The following TPD52L1 variants were observed in gnomAD, a reference collection of about 807,000 sequenced individuals.
TPD52L1 encodes the protein TPD52 like 1, also known as tumor protein D53.
TPD52L1 carries 18 observed loss-of-function variants against 28.7 expected under a neutral mutation model. That is an observed-to-expected ratio of 0.63 (90% CI 0.43 to 0.93). TPD52L1 has a LOEUF of 0.93. Ranked by LOEUF, TPD52L1 falls within the 40% of genes least tolerant of loss-of-function variation. TPD52L1 has a pLI of 0.00. For synonymous variants in TPD52L1, 75 were observed against 88.8 expected (o/e 0.84, Z 0.88); for missense variants, 203 against 254.8 (o/e 0.80, Z 1.39).
intron 1 of TPD52L1, among the ~76,000 whole-genome samples, chr6:125,218,539 A>G (rs1249857372): frequency 1.3e-5 from 2 of 152,180 alleles, no homozygotes; most frequent in African/African-American, 4.8e-5. Context: ...TCTTCTTCCA[A>G]TTAGTGGCTT....
At chr6:125,173,895 T>C (rs1562218195) in intron 1 of TPD52L1, among the ~76,000 whole-genome samples, 1 of 152,090 alleles carries the variant, frequency 6.6e-6, no homozygotes, top group African/African-American at 2.4e-5. Context: ...GAAGTCAGGA[T>C]GAAGAACACA....
rs1794334890 is a variant in TPD52L1, at chr6:125,208,922, C to A, written c.20-11156C>A. The A allele has an allele frequency of 4.1e-6, 4 of 985,222 alleles. No individual in the cohort carries two copies. In the South Asian group the frequency reaches 1.9e-4, roughly 46 times the overall value. The allele number at this position is 985,222 out of a possible 1,614,324, so 61.0% of individuals were successfully genotyped here. A position where few individuals can be genotyped will look rare whatever the true frequency, so the allele number is the denominator to read the frequency against. ...CCTAGGGCAGGAATAAGCCAGCAGG[C>A]CCAAGGTGTAGCTCAAAGCTGTAGA... On this transcript the variant is annotated intron_variant, in intron 1 of 6. Coordinates refer to ENST00000534000, the MANE Select transcript of TPD52L1 (RefSeq NM_003287.4).
intron 4 of TPD52L1, among the ~76,000 whole-genome samples, chr6:125,249,151 T>TA (rs1185621551): frequency 4.6e-5 from 7 of 151,058 alleles, no homozygotes; most frequent in Non-Finnish European, 1.0e-4. Context: ...ATATATTATA[T>TA]ACCATATTAT....
At chr6:125,194,549 C>T (rs1001789252) in intron 1 of TPD52L1, among the ~76,000 whole-genome samples, 1 of 152,182 alleles carries the variant, frequency 6.6e-6, no homozygotes, top group Non-Finnish European at 1.5e-5. Flanking sequence ...TCCCCTGGAA[C>T]CCTGACCCCA....
chr6:125,254,483 A>T (rs1797472213), intron 5 of TPD52L1, among the ~76,000 whole-genome samples: 2 of 152,076 alleles, frequency 1.3e-5, no homozygotes, highest in Admixed American at 1.3e-4. Flanking sequence ...TTAAAATAAG[A>T]GGCTAGAACC....
chr6:125,202,416 C>T (rs186365523), intron 1 of TPD52L1, among the ~76,000 whole-genome samples: 11 of 152,232 alleles, frequency 7.2e-5, no homozygotes, highest in Admixed American at 5.2e-4. Context: ...ATGCACAGGT[C>T]GTGTTCACCT....
intron 1 of TPD52L1, among the ~76,000 whole-genome samples, chr6:125,178,655 C>T (rs1452273701): frequency 0.014 from 1,748 of 122,000 alleles, 48 homozygotes; most frequent in African/African-American, 0.046. Flanking sequence ...CAAAACAAAA[C>T]AAAATATATA....
chr6:125,198,454 A>T (rs545232052), intron 1 of TPD52L1, among the ~76,000 whole-genome samples: 1 of 152,298 alleles, frequency 6.6e-6, no homozygotes, highest in African/African-American at 2.4e-5. Context: ...TGCATGGGGT[A>T]AGAGAGATCT....
intron 1 of TPD52L1, among the ~76,000 whole-genome samples, chr6:125,192,456 T>C (rs758132274): frequency 6.6e-5 from 10 of 152,104 alleles, no homozygotes; most frequent in Non-Finnish European, 1.3e-4. Flanking sequence ...TATGTTCTTT[T>C]AATGGAGAAA....
chr6:125,209,995 A>G (rs968673384), intron 1 of TPD52L1, among the ~76,000 whole-genome samples: 2 of 152,198 alleles, frequency 1.3e-5, no homozygotes, highest in African/African-American at 2.4e-5. Flanking sequence ...CCTGAATTCT[A>G]TGATATTATT....
At chr6:125,262,436 C>T (rs1224583089) in intron 6 of TPD52L1, 4 of 154,006 alleles carry the variant, frequency 2.6e-5, no homozygotes, top group Admixed American at 2.6e-4. Context: ...AAGTTTAGGT[C>T]ATGTAAGGAT....
At chr6:125,219,687 G>T (rs1472395585) in intron 1 of TPD52L1, among the ~76,000 whole-genome samples, 1 of 152,146 alleles carries the variant, frequency 6.6e-6, no homozygotes, top group Non-Finnish European at 1.5e-5. Context: ...TGCAGCCCTT[G>T]GGGCCTACAA....
At chr6:125,238,740 G>A (rs1796435434) in intron 3 of TPD52L1, among the ~76,000 whole-genome samples, 1 of 152,118 alleles carries the variant, frequency 6.6e-6, no homozygotes. Context: ...GACTCAGAAA[G>A]CAAGATTTAA....
intron 6 of TPD52L1, chr6:125,260,921 G>GAAGAAAGAAAGAAAGAAAGA (rs71551734): frequency 1.0e-4 from 6 of 58,806 alleles, no homozygotes; most frequent in East Asian, 7.1e-4. Context: ...AAGAAAGAAA[G>GAAGAAAGAAAGAAAGAAAGA]AAGAAAGAAA....
chr6:125,175,489 A>G (rs930450765), intron 1 of TPD52L1, among the ~76,000 whole-genome samples: 2 of 152,242 alleles, frequency 1.3e-5, no homozygotes, highest in African/African-American at 4.8e-5. Context: ...TAAGCTTAAG[A>G]GTCCAAGTGT....
intron 1 of TPD52L1, among the ~76,000 whole-genome samples, chr6:125,198,831 G>C (rs1482816635): frequency 2.0e-5 from 3 of 152,138 alleles, no homozygotes; most frequent in Admixed American, 2.0e-4. Flanking sequence ...AGTACTACTC[G>C]TATCTAGTTG....
chr6:125,185,623 T>C (rs1355548484), intron 1 of TPD52L1, among the ~76,000 whole-genome samples: 2 of 150,930 alleles, frequency 1.3e-5, no homozygotes, highest in African/African-American at 4.9e-5. Context: ...CTGCCAATAA[T>C]AAAAGTTGAT....
intron 1 of TPD52L1, 154 bp from the exon 2 acceptor site, chr6:125,219,922 TCA>T: frequency 1.4e-6 from 1 of 690,112 alleles, no homozygotes; most frequent in Middle Eastern, 2.8e-4. Flanking sequence ...TTGGAGCTCG[TCA>T]CACATTTAGG....
At chr6:125,250,033 C>T (rs188286524) in intron 4 of TPD52L1, among the ~76,000 whole-genome samples, 17 of 152,180 alleles carry the variant, frequency 1.1e-4, no homozygotes, top group African/African-American at 2.6e-4. Flanking sequence ...ATAATTTTAA[C>T]GGCGTTATAA....
Sources: allele counts gnomAD v4.1 joint callset (sites outside exome capture counted in the v4.1 genomes callset), GRCh38; gene constraint gnomAD v4.1.1; transcripts MANE v1.5; gene names NCBI Gene and HGNC (gene_info 2026-07-23, HGNC 2026-07-21).